The following SLC6A11 variants were observed in gnomAD, a reference collection of about 807,000 sequenced individuals.
The protein encoded by SLC6A11 is solute carrier family 6 member 11.
Under a neutral mutation model 74.8 loss-of-function variants are expected in SLC6A11, and 25 were observed. The ratio of observed to expected loss-of-function variants is 0.33; its 90% CI spans 0.24 to 0.47. SLC6A11 has a LOEUF of 0.47. SLC6A11 is among the 20% of genes least tolerant of loss of function. The pLI is 1.00. For synonymous variants in SLC6A11, 330 were observed against 330.2 expected, an observed-to-expected ratio of 1.00 and a Z score of 0.01; for missense variants, 574 against 837.0, an observed-to-expected ratio of 0.69 and a Z score of 3.88.
chr3:10,907,739 G>T (rs571156234), intron 6 of SLC6A11, among the ~76,000 whole-genome samples: 17 of 152,282 alleles, frequency 1.1e-4, no homozygotes, highest in African/African-American at 3.9e-4. Context: ...CTCAGGAAAA[G>T]AAAAAGAGAG....
chr3:10,883,664 T>C (rs528316627), intron 6 of SLC6A11, among the ~76,000 whole-genome samples: 1 of 152,138 alleles, frequency 6.6e-6, no homozygotes, highest in Non-Finnish European at 1.5e-5. Context: ...AGACCCTACC[T>C]GCTGAACCTC....
chr3:10,829,971 G>C (rs1694273104), intron 4 of SLC6A11, among the ~76,000 whole-genome samples: 1 of 152,134 alleles, frequency 6.6e-6, no homozygotes, highest in Admixed American at 6.5e-5. Context: ...TGGGTGCTGG[G>C]CATCTTATAA....
At chr3:10,904,249 G>C (rs1173336598) in intron 6 of SLC6A11, among the ~76,000 whole-genome samples, 1 of 152,224 alleles carries the variant, frequency 6.6e-6, no homozygotes, top group East Asian at 1.9e-4. Flanking sequence ...ACTCTGTGCA[G>C]CCCTGTGGTC....
At chr3:10,867,682 C>T (rs1181038202) in intron 5 of SLC6A11, among the ~76,000 whole-genome samples, 4 of 152,186 alleles carry the variant, frequency 2.6e-5, no homozygotes, top group African/African-American at 9.7e-5. Context: ...TCGTGGTCCA[C>T]GGGATGATTT....
intron 4 of SLC6A11, among the ~76,000 whole-genome samples, chr3:10,832,875 G>C (rs1381820746): frequency 6.6e-6 from 1 of 152,196 alleles, no homozygotes; most frequent in Non-Finnish European, 1.5e-5. Flanking sequence ...GTAGGTTTAA[G>C]TAAAAGAAGA....
rs761683718 is a variant in SLC6A11, at chr3:10,875,020, G to A, written c.816G>A (p.Gly272=). Residue 272 remains glycine, a synonymous_variant, in exon 6 of 14, where the codon GGG becomes GGA. Transcript: ENST00000254488. ...YIMLLILLIR[G]VTLPGASEGI... is the part of the protein sequence containing the mutation. ...TGCTGCTGATCCTCCTGATACGAGG[G>A]GTCACGTTGCCCGGGGCCTCAGAGG... 1.1e-5 allele frequency: 18 copies of A among 1,613,434 alleles called. No homozygotes were observed. In the South Asian group the frequency reaches 1.9e-4, roughly 17 times the overall value.
chr3:10,830,730 G>A (rs1018850624), intron 4 of SLC6A11, among the ~76,000 whole-genome samples: 9 of 152,268 alleles, frequency 5.9e-5, no homozygotes, highest in African/African-American at 2.2e-4. Context: ...CCCCATAGTG[G>A]GAGGCTGTTT....
chr3:10,828,779 C>T lies in SLC6A11; in HGVS notation c.623+5387C>T, dbSNP rs370243368. Among the ~76,000 whole-genome samples the T allele has an allele frequency of 9.8e-5, 15 of 152,322 alleles. No homozygotes were observed. In the East Asian group the frequency reaches 2.5e-3, roughly 25 times the overall value. On this transcript the variant is annotated intron_variant, in intron 4 of 13. Transcript: ENST00000254488. ...ACACCCCAGTCCCTCTCAACCCCAT[C>T]ACTCTTTCTTAATGCCCCATCACTC...
intron 4 of SLC6A11, among the ~76,000 whole-genome samples, chr3:10,833,939 G>A (rs1216933914): frequency 6.6e-6 from 1 of 152,200 alleles, no homozygotes; most frequent in East Asian, 1.9e-4. Flanking sequence ...TTTGTCTGAG[G>A]TTCTTTCTAC....
At chr3:10,858,089 G>A (rs1025335406) in intron 5 of SLC6A11, among the ~76,000 whole-genome samples, 3 of 152,068 alleles carry the variant, frequency 2.0e-5, no homozygotes, top group Non-Finnish European at 2.9e-5. Flanking sequence ...GAATCACCAC[G>A]AATGCAATAG....
At chr3:10,858,463 G>A (rs1211793197) in intron 5 of SLC6A11, among the ~76,000 whole-genome samples, 1 of 152,158 alleles carries the variant, frequency 6.6e-6, no homozygotes, top group Non-Finnish European at 1.5e-5. Flanking sequence ...AGCATCTCTA[G>A]TTATTTGCCA....
At chr3:10,879,529 C>T (rs1422698913) in intron 6 of SLC6A11, among the ~76,000 whole-genome samples, 1 of 152,156 alleles carries the variant, frequency 6.6e-6, no homozygotes, top group Non-Finnish European at 1.5e-5. Context: ...TCTAGGGGGC[C>T]ATGTCCCCTC....
intron 5 of SLC6A11, among the ~76,000 whole-genome samples, chr3:10,852,828 T>G (rs1479697738): frequency 6.6e-6 from 1 of 152,184 alleles, no homozygotes; most frequent in Non-Finnish European, 1.5e-5. Context: ...GGGAATTTAT[T>G]TTGTATCTAC....
chr3:10,917,497 G>A (rs930958644), intron 7 of SLC6A11, among the ~76,000 whole-genome samples: 1 of 152,198 alleles, frequency 6.6e-6, no homozygotes, highest in Non-Finnish European at 1.5e-5. Context: ...CTAAGTCTCA[G>A]TCCAGGCACT....
intron 4 of SLC6A11, among the ~76,000 whole-genome samples, chr3:10,826,354 T>C (rs1356157014): frequency 6.6e-6 from 1 of 152,144 alleles, no homozygotes; most frequent in Non-Finnish European, 1.5e-5. Context: ...CCCAGTCCCA[T>C]TGGGTTGAGG....
At chr3:10,889,896 G>A (rs74470612) in intron 6 of SLC6A11, among the ~76,000 whole-genome samples, 4 of 152,114 alleles carry the variant, frequency 2.6e-5, no homozygotes, top group East Asian at 1.9e-4. Context: ...CCCATGCCAG[G>A]GGGGAGAGAG....
Position 10,918,508 on chromosome 3 carries a change from G to A in SLC6A11, c.1120+55G>A. On this transcript the variant is annotated intron_variant, in intron 8 of 13. Transcript: ENST00000254488. This position sits in a 1 kb window ranked among gnomAD's most constrained non-coding sequence, Gnocchi z 4.5. The stretch of plus-strand genomic sequence containing the variant: ...GGCGGCAAGGGAGGCCAGGAGTGAT[G>A]GTCATCATGGAAATGCGATCTTCCT... 6.4e-7 allele frequency: 1 copy of A among 1,557,188 alleles called. No homozygotes were observed. Among genetic ancestry groups the A allele is most frequent in the Non-Finnish European group, 8.6e-7 (1 of 1,156,330 alleles).
At chr3:10,930,809 C>A (rs1464141460) in intron 10 of SLC6A11, among the ~76,000 whole-genome samples, 1 of 152,126 alleles carries the variant, frequency 6.6e-6, no homozygotes, top group Non-Finnish European at 1.5e-5. Flanking sequence ...CTGACTGAGG[C>A]CTCACATCTG....
intron 5 of SLC6A11, among the ~76,000 whole-genome samples, chr3:10,862,250 A>G (rs1390131362): frequency 1.3e-5 from 2 of 152,196 alleles, no homozygotes; most frequent in Non-Finnish European, 2.9e-5. Flanking sequence ...TATGTTTTCC[A>G]GGCAGTAAAT....
Sources: allele counts gnomAD v4.1 joint callset (sites outside exome capture counted in the v4.1 genomes callset), GRCh38; gene constraint gnomAD v4.1.1; non-coding constraint Gnocchi (gnomAD v3.1); transcripts MANE v1.5; gene names NCBI Gene and HGNC (gene_info 2026-07-23, HGNC 2026-07-21).